The following PACRG variants were observed in gnomAD, a reference collection of about 807,000 sequenced individuals.
PACRG encodes parkin coregulated, also known as parkin coregulated gene protein.
In PACRG, 29 loss-of-function variants were observed where a neutral mutation model predicts 29.7. The observed-to-expected ratio is 0.98, with a 90% CI of 0.73 to 1.33. The LOEUF is 1.33. PACRG is among the 40% of genes most tolerant of loss of function. The probability of loss-of-function intolerance (pLI) is 0.00; values close to 1 mark genes in which losing one functional copy is unlikely to be tolerated. For missense variants in PACRG, 279 were observed against 316.2 expected, an observed-to-expected ratio of 0.88 and a Z score of 0.89; for synonymous variants, 116 against 118.7, an observed-to-expected ratio of 0.98 and a Z score of 0.15.
At chr6:162,794,262 CTGT>C (rs1426047505) in intron 1 of PACRG, among the ~76,000 whole-genome samples, 1 of 152,068 alleles carries the variant, frequency 6.6e-6, no homozygotes, top group Non-Finnish European at 1.5e-5. Context: ...TTATACTCTT[CTGT>C]TGTTACTATA....
chr6:162,751,272 A>T (rs1364994806), intron 1 of PACRG, among the ~76,000 whole-genome samples: 1 of 152,138 alleles, frequency 6.6e-6, no homozygotes, highest in Admixed American at 6.5e-5. Flanking sequence ...GAAGTAATAA[A>T]AAATCAAAGA....
chr6:163,244,539 A>G (rs562949444), intron 4 of PACRG, among the ~76,000 whole-genome samples: 3 of 152,308 alleles, frequency 2.0e-5, no homozygotes, highest in South Asian at 4.1e-4. Context: ...AAGGCCCAGC[A>G]CTGACCATAT....
At chr6:163,213,248 T>G (rs1245749725) in intron 4 of PACRG, among the ~76,000 whole-genome samples, 1 of 152,068 alleles carries the variant, frequency 6.6e-6, no homozygotes, top group East Asian at 1.9e-4. Context: ...GATGTTCAAT[T>G]TTTAAAAAAC....
At chr6:163,102,170 C>T (rs774096412) in intron 4 of PACRG, among the ~76,000 whole-genome samples, 78 of 152,130 alleles carry the variant, frequency 5.1e-4, no homozygotes, top group Non-Finnish European at 1.9e-4. Context: ...GGGAACCTTG[C>T]CACACATGGA....
In PACRG at chr6:162,997,576, A is replaced by C. The variant is rs116991150; in HGVS notation, c.292-64574A>C. ...CCAAGGATTCATAACAGACTTCATA[A>C]AAGAGGTGACAATTTGACATAGGTC... On this transcript the variant is annotated intron_variant, in intron 2 of 4. Coordinates refer to ENST00000366888, the MANE Select transcript of PACRG (RefSeq NM_001080379.2). 2,124 of 328,622 alleles carry C rather than the reference A, an allele frequency of 6.5e-3. 11 individuals are homozygous for C. The highest frequency in any genetic ancestry group is 0.011 in the Non-Finnish European group (1,771 of 167,846). 20.4% of individuals were successfully genotyped at this position (328,622 alleles called of 1,614,324 possible).
intron 1 of PACRG, among the ~76,000 whole-genome samples, chr6:162,798,028 A>C (rs1486706984): frequency 6.6e-6 from 1 of 152,202 alleles, no homozygotes; most frequent in Non-Finnish European, 1.5e-5. Flanking sequence ...TTCATCAATT[A>C]GTAAGTTTTG....
At chr6:162,985,465 T>C (rs561044544) in intron 2 of PACRG, among the ~76,000 whole-genome samples, 1 of 152,198 alleles carries the variant, frequency 6.6e-6, no homozygotes, top group African/African-American at 2.4e-5. Flanking sequence ...CACATGATCA[T>C]CTCAATAGAT....
chr6:163,065,543 A>G (rs1811464661), intron 3 of PACRG, among the ~76,000 whole-genome samples: 1 of 152,196 alleles, frequency 6.6e-6, no homozygotes, highest in Admixed American at 6.5e-5. Flanking sequence ...AAGTGAGAAC[A>G]GTAGCAACAC....
At chr6:162,966,183 A>C (rs1801004684) in intron 2 of PACRG, among the ~76,000 whole-genome samples, 1 of 152,258 alleles carries the variant, frequency 6.6e-6, no homozygotes, top group Admixed American at 6.5e-5. Context: ...AGATCTAGAA[A>C]CAAGTAACTA....
chr6:162,927,381 A>T (rs751684446), intron 2 of PACRG, among the ~76,000 whole-genome samples: 35 of 152,190 alleles, frequency 2.3e-4, no homozygotes, highest in Admixed American at 1.3e-4. Context: ...TATTCACAAT[A>T]GCAAAGACAT....
At chr6:162,740,506 A>G (rs1308118778) in intron 1 of PACRG, among the ~76,000 whole-genome samples, 1 of 151,204 alleles carries the variant, frequency 6.6e-6, no homozygotes, top group Non-Finnish European at 1.5e-5. Flanking sequence ...CAAAAAATTT[A>G]GTAACACCCC....
chr6:162,826,613 G>A (rs917960313), intron 2 of PACRG, among the ~76,000 whole-genome samples: 3 of 151,820 alleles, frequency 2.0e-5, no homozygotes, highest in East Asian at 1.9e-4. Context: ...ACAGGCATGC[G>A]CCACCACACC....
chr6:163,202,127 G>A (rs1403788833), intron 4 of PACRG, among the ~76,000 whole-genome samples: 6 of 152,196 alleles, frequency 3.9e-5, no homozygotes, highest in African/African-American at 1.2e-4. Flanking sequence ...AGGGGAAGCC[G>A]TCCTGTCCCG....
At chr6:162,753,405 T>G (rs1192623826) in intron 1 of PACRG, among the ~76,000 whole-genome samples, 1 of 152,216 alleles carries the variant, frequency 6.6e-6, no homozygotes. Flanking sequence ...TCCTCCACAT[T>G]CATCCATGTT....
chr6:163,011,798 T>C lies in PACRG; in HGVS notation c.292-50352T>C, dbSNP rs183537705. Among the ~76,000 whole-genome samples, 15 of 152,330 alleles carry C rather than the reference T, an allele frequency of 9.8e-5. No homozygotes were observed. The East Asian group carries it at 2.9e-3, about 29-fold the overall frequency. ...CTATAAGCTCTTTATTTTTAAAATA[T>C]TTTATTTCTTTTTACTTTTTAAACT... On this transcript the variant is annotated intron_variant, in intron 2 of 4. Coordinates refer to ENST00000366888, the MANE Select transcript of PACRG (RefSeq NM_001080379.2).
In PACRG at chr6:163,315,224, A is replaced by G; in HGVS notation, c.*237A>G. 2.5e-6 allele frequency: 1 copy of G among 404,560 alleles called. No individual in the cohort carries two copies. The highest frequency in any genetic ancestry group is 4.3e-6 in the Non-Finnish European group (1 of 231,302). 25.1% of individuals were successfully genotyped at this position (404,560 alleles called of 1,614,324 possible). A position where few individuals can be genotyped will look rare whatever the true frequency, so the allele number is the denominator to read the frequency against. ...TGTGCTTATTTGTTCTAAGAGAAGAATTGCTTCTTTATACAGCTCCGACAG... is the reference window on the plus strand; with the variant it reads ...TGTGCTTATTTGTTCTAAGAGAAGAGTTGCTTCTTTATACAGCTCCGACAG... On this transcript the variant is annotated 3_prime_UTR_variant, in exon 5 of 5. Coordinates refer to ENST00000366888, the MANE Select transcript of PACRG (RefSeq NM_001080379.2).
At chr6:163,013,682 A>G (rs1179894266) in intron 2 of PACRG, among the ~76,000 whole-genome samples, 1 of 152,190 alleles carries the variant, frequency 6.6e-6, no homozygotes, top group Non-Finnish European at 1.5e-5. Flanking sequence ...GTGCTGCATT[A>G]GTATAAAAAT....
chr6:163,118,407 G>A (rs1010373028), intron 4 of PACRG, among the ~76,000 whole-genome samples: 2 of 152,190 alleles, frequency 1.3e-5, no homozygotes, highest in African/African-American at 4.8e-5. Flanking sequence ...AGGTTTGAGA[G>A]AAGTGAGGCC....
At chr6:162,896,675 CAT>C (rs745591559) in intron 2 of PACRG, among the ~76,000 whole-genome samples, 10 of 152,288 alleles carry the variant, frequency 6.6e-5, no homozygotes, top group African/African-American at 1.4e-4. Context: ...TTATATGAAA[CAT>C]GTATCAGAAT....
Sources: gnomAD v4.1 joint callset for allele counts (sites outside exome capture counted in the v4.1 genomes callset) on GRCh38, gnomAD v4.1.1 for gene constraint, MANE v1.5 for transcripts, NCBI Gene and HGNC (gene_info 2026-07-23, HGNC 2026-07-21) for gene names.